The following PEX5L variants were observed in gnomAD, a reference collection of about 807,000 sequenced individuals.
The protein encoded by PEX5L is peroxisomal biogenesis factor 5 like, also known as PEX5-related protein.
PEX5L carries 30 observed loss-of-function variants against 84.0 expected under a neutral mutation model. That is an observed-to-expected ratio of 0.36 (90% CI 0.27 to 0.48). PEX5L has a LOEUF of 0.48. Among genes scored for constraint, PEX5L ranks in the 20% least tolerant of loss-of-function variants. The pLI is 0.99. For missense variants in PEX5L, 533 were observed against 754.6 expected, an observed-to-expected ratio of 0.71 and a Z score of 3.44; for synonymous variants, 270 against 283.1, an observed-to-expected ratio of 0.95 and a Z score of 0.46.
intron 2 of PEX5L, among the ~76,000 whole-genome samples, chr3:179,909,388 G>A (rs913978545): frequency 3.3e-5 from 5 of 152,130 alleles, no homozygotes; most frequent in African/African-American, 4.8e-5. Flanking sequence ...GAGAAAATGC[G>A]TTATCCATGA....
At chr3:179,915,367 C>T (rs979751161) in intron 2 of PEX5L, among the ~76,000 whole-genome samples, 7 of 152,034 alleles carry the variant, frequency 4.6e-5, no homozygotes, top group African/African-American at 1.7e-4. Flanking sequence ...TGTGGGGAGA[C>T]CTAGCTGGCA....
chr3:179,960,106 A>AC (rs1291597638), intron 2 of PEX5L, among the ~76,000 whole-genome samples: 1 of 152,094 alleles, frequency 6.6e-6, no homozygotes, highest in Non-Finnish European at 1.5e-5. Flanking sequence ...CATCTACAGA[A>AC]CCTAGGGGGA....
intron 2 of PEX5L, among the ~76,000 whole-genome samples, chr3:179,938,386 T>A (rs746014705): frequency 6.6e-6 from 1 of 152,218 alleles, no homozygotes; most frequent in Non-Finnish European, 1.5e-5. Flanking sequence ...TTCAAAATTG[T>A]GCATCTGCAC....
At chr3:179,871,881 C>T (rs527920494) in intron 7 of PEX5L, among the ~76,000 whole-genome samples, 5 of 152,046 alleles carry the variant, frequency 3.3e-5, no homozygotes, top group Admixed American at 6.6e-5. Flanking sequence ...ATTTGGCTAA[C>T]GTTTTTCTTT....
intron 8 of PEX5L, among the ~76,000 whole-genome samples, chr3:179,840,428 A>T (rs1048405922): frequency 6.6e-6 from 1 of 151,974 alleles, no homozygotes; most frequent in Non-Finnish European, 1.5e-5. Flanking sequence ...ACCTCAGGTG[A>T]TCCACTCACC....
At chr3:179,864,810 T>C (rs1350597425) in intron 7 of PEX5L, among the ~76,000 whole-genome samples, 1 of 152,162 alleles carries the variant, frequency 6.6e-6, no homozygotes, top group Non-Finnish European at 1.5e-5. Flanking sequence ...AATTGTAATT[T>C]GTCAGTAAAA....
chr3:179,988,806 A>T (rs973679374), intron 1 of PEX5L, among the ~76,000 whole-genome samples: 1 of 152,248 alleles, frequency 6.6e-6, no homozygotes, highest in African/African-American at 2.4e-5. Flanking sequence ...GAGTTAAATC[A>T]TAGGTAACAA....
chr3:179,975,868 A>T (rs1314989893), intron 1 of PEX5L, among the ~76,000 whole-genome samples: 1 of 152,196 alleles, frequency 6.6e-6, no homozygotes, highest in Non-Finnish European at 1.5e-5. Context: ...AATGAGGAGA[A>T]GGGTTGAAAA....
chr3:179,839,269 T>C (rs905602233), intron 8 of PEX5L, among the ~76,000 whole-genome samples: 4 of 152,206 alleles, frequency 2.6e-5, no homozygotes, highest in Admixed American at 1.3e-4. Flanking sequence ...AAGACTTAAT[T>C]GTTCCTAGGC....
chr3:179,842,677 C>T (rs2108340131), intron 8 of PEX5L, among the ~76,000 whole-genome samples: 1 of 152,112 alleles, frequency 6.6e-6, no homozygotes, highest in East Asian at 1.9e-4. Flanking sequence ...GCAGGAAGAC[C>T]ACTGAAGAGT....
rs1440470200 is a variant in PEX5L, at chr3:179,859,073, C to T, written c.811G>A (p.Ala271Thr). 2.0e-5 allele frequency: 33 copies of T among 1,611,860 alleles called. No individual in the cohort carries two copies. Among genetic ancestry groups the T allele is most frequent in the Non-Finnish European group, 2.6e-5 (31 of 1,178,020 alleles). ...TGAAGAAAAGTTACCTCCACTGCTG[C>T]TTTTGCCCTTTCAAACTCTTCTTCT... ...SLEEEFERAK[A>T]AVESDTEFWD... The change falls in exon 8 of 15, where the codon GCA becomes ACA. Residue 271 changes from alanine (A) to threonine (T), a missense_variant. Physicochemically the swap from Ala to Thr is moderately conservative, Grantham distance 58. This residue lies in a region of PEX5L where 10 missense variants were observed against 40.6 expected (regional missense o/e 0.25). Coordinates refer to ENST00000467460, the MANE Select transcript of PEX5L (RefSeq NM_016559.3).
At chr3:179,903,057 T>TA (rs954451936) in intron 2 of PEX5L, among the ~76,000 whole-genome samples, 1 of 152,116 alleles carries the variant, frequency 6.6e-6, no homozygotes, top group Non-Finnish European at 1.5e-5. Context: ...TGAATTTTTT[T>TA]AAAAAAATTA....
intron 4 of PEX5L, among the ~76,000 whole-genome samples, chr3:179,882,488 C>T (rs1458909174): frequency 6.6e-6 from 1 of 152,164 alleles, no homozygotes; most frequent in Non-Finnish European, 1.5e-5. Context: ...ATTGGTTACC[C>T]AGCTGATGAA....
intron 3 of PEX5L, among the ~76,000 whole-genome samples, chr3:179,889,542 G>A (rs538333596): frequency 9.9e-4 from 150 of 152,212 alleles, no homozygotes; most frequent in African/African-American, 3.2e-3. Context: ...TTCTTTTAAC[G>A]TTCAAGTTAC....
chr3:179,994,985 A>C (rs1787728415), intron 1 of PEX5L, among the ~76,000 whole-genome samples: 1 of 151,562 alleles, frequency 6.6e-6, no homozygotes. Flanking sequence ...GTTAATACTT[A>C]ATAAACTCCC....
intron 1 of PEX5L, among the ~76,000 whole-genome samples, chr3:180,012,773 A>G (rs922746632): frequency 1.3e-5 from 2 of 152,118 alleles, no homozygotes; most frequent in Non-Finnish European, 2.9e-5. Flanking sequence ...ATTACCTATG[A>G]TAATCCATTT....
intron 1 of PEX5L, among the ~76,000 whole-genome samples, chr3:180,030,157 T>G (rs1040843285): frequency 2.0e-5 from 3 of 152,200 alleles, no homozygotes; most frequent in Non-Finnish European, 4.4e-5. Context: ...TTTAGTCGAC[T>G]ACAACCATTT....
Position 179,816,002 on chromosome 3 carries a change from T to A in PEX5L, c.942A>T (p.Gly314=). ...AGGGGTTTTCAGTGTGAAAGTAATA[T>A]CCCTGCAACACAGAAAAAGGCCAGT... ...NQVTISASEK[G]YYFHTENPFK... The change falls in exon 10 of 15, where the codon GGA becomes GGT. Residue 314 remains glycine, a splice_region_variant and synonymous_variant. Transcript: ENST00000467460. 3 of 1,614,066 alleles carry A rather than the reference T, an allele frequency of 1.9e-6. No homozygotes were observed. The highest frequency in any genetic ancestry group is 2.5e-6 in the Non-Finnish European group (3 of 1,179,962).
intron 9 of PEX5L, among the ~76,000 whole-genome samples, chr3:179,819,112 T>C (rs1342688157): frequency 1.3e-5 from 2 of 152,108 alleles, no homozygotes; most frequent in Admixed American, 6.6e-5. Flanking sequence ...TGTCTGTTGA[T>C]GGACACTTAG....
Sources: allele counts gnomAD v4.1 joint callset (sites outside exome capture counted in the v4.1 genomes callset), GRCh38; gene constraint gnomAD v4.1.1; regional missense constraint gnomAD v4.1.1; transcripts MANE v1.5; gene names NCBI Gene and HGNC (gene_info 2026-07-23, HGNC 2026-07-21).